The following NUBP1 variants were observed in gnomAD, a reference collection of about 807,000 sequenced individuals.
NUBP1 encodes the protein cytosolic Fe-S cluster assembly factor NUBP1.
A neutral mutation model predicts 41.8 loss-of-function variants in NUBP1; 46 were observed. That is an observed-to-expected ratio of 1.10 (90% CI 0.87 to 1.41). The LOEUF (loss-of-function observed/expected upper bound fraction) is 1.41, where lower values mean the gene tolerates loss of function less well. Ranked by LOEUF, NUBP1 falls within the 40% of genes most tolerant of loss-of-function variation. The pLI, the probability that NUBP1 is intolerant of heterozygous loss-of-function variation, is 0.00. For synonymous variants in NUBP1, 189 were observed against 154.6 expected (o/e 1.22, Z -1.65); for missense variants, 494 against 414.0 (o/e 1.19, Z -1.68).
chr16:10,758,901 G>A (rs532211415), intron 7 of NUBP1, among the ~76,000 whole-genome samples: 1 of 152,332 alleles, frequency 6.6e-6, no homozygotes, highest in Admixed American at 6.5e-5. Flanking sequence ...TGAGAGGAGA[G>A]CGATAGGAAG....
rs2030944359 is a variant in NUBP1, at chr16:10,766,767, A to C, written c.821-1182A>C. The C allele has an allele frequency of 2.5e-6, 1 of 396,516 alleles. No homozygotes were observed. Among genetic ancestry groups the C allele is most frequent in the South Asian group, 1.4e-4 (1 of 7,010 alleles). 24.6% of individuals were successfully genotyped at this position (396,516 alleles called of 1,614,324 possible). ...CTGAGAATAGGGGCTCAAAGGCCCC[A>C]TTACAGAGTTTTTGTGTTTAAATAC... On this transcript the variant is annotated intron_variant, in intron 9 of 10. Transcript: ENST00000283027. This position sits in a 1 kb window ranked among gnomAD's most constrained non-coding sequence, Gnocchi z 4.8.
intron 7 of NUBP1, 102 bp downstream of exon 7, chr16:10,758,129 C>T (rs1900693409): frequency 7.3e-7 from 1 of 1,361,710 alleles, no homozygotes; most frequent in African/African-American, 1.4e-5. Context: ...AGGCTCTTCC[C>T]AGTGTGTGTT....
intron 3 of NUBP1, among the ~76,000 whole-genome samples, chr16:10,751,832 G>C (rs1259437547): frequency 4.6e-5 from 7 of 152,204 alleles, no homozygotes; most frequent in African/African-American, 1.4e-4. Context: ...GGTTCAGCTA[G>C]AGGCTCCACT....
intron 2 of NUBP1, among the ~76,000 whole-genome samples, chr16:10,744,580 G>A (rs1394909398): frequency 1.3e-5 from 2 of 152,142 alleles, no homozygotes; most frequent in African/African-American, 4.8e-5. Flanking sequence ...GGGATCAGGC[G>A]TGGTCACTGC....
chr16:10,761,093 C>G (rs1273796540), intron 7 of NUBP1: 2 of 325,150 alleles, frequency 6.2e-6, no homozygotes, highest in African/African-American at 4.3e-5. Context: ...CTCGTGAAAA[C>G]TCACTATCGA....
At chr16:10,761,233 C>T in intron 7 of NUBP1, 131 bp from the exon 8 acceptor site, 1 of 749,064 alleles carries the variant, frequency 1.3e-6, no homozygotes, top group Non-Finnish European at 2.2e-6. Flanking sequence ...CAGAGCCAAA[C>T]CCTATCAGGG....
At position 10,754,784 on chromosome 16, in the gene NUBP1, C is replaced by T. The variant is rs553983058; in HGVS notation, c.328-937C>T. ...TGGTGACTGGGTACAGTGGCTCACA[C>T]CTGCAATCCCAACACTTTGGGAGGC... is the stretch of plus-strand genomic sequence containing the variant. On this transcript the variant is annotated intron_variant, in intron 4 of 10. Coordinates refer to ENST00000283027, the MANE Select transcript of NUBP1 (RefSeq NM_002484.4). Among the ~76,000 whole-genome samples the T allele has an allele frequency of 1.1e-4, 17 of 152,112 alleles. No homozygotes were observed. The East Asian group carries it at 2.9e-3, about 26-fold the overall frequency.
At position 10,761,807 on chromosome 16, in the gene NUBP1, C is replaced by T. The variant is rs2029945827; in HGVS notation, c.768C>T (p.Cys256=). Residue 256 remains cysteine (C), a synonymous_variant, in exon 9 of 11, where the codon TGC becomes TGT. Coordinates refer to ENST00000283027, the MANE Select transcript of NUBP1 (RefSeq NM_002484.4). ...PPTTGGAELM[C]QDLEVPLLGR... The stretch of plus-strand genomic sequence containing the variant: ...CAACCGGGGGCGCGGAGCTCATGTG[C>T]CAGGACTTGGAGGTCCCTCTCCTCG... 1.2e-6 allele frequency: 2 copies of T among 1,614,006 alleles called. No individual in the cohort carries two copies. The highest frequency in any genetic ancestry group is 1.7e-6 in the Non-Finnish European group (2 of 1,179,994).
Position 10,747,244 on chromosome 16 carries a change from G to C in NUBP1, c.226G>C (p.Ala76Pro). Residue 76 changes from alanine to proline, a missense_variant, in exon 3 of 11, where the codon GCC becomes CCC. Coordinates refer to ENST00000283027, the MANE Select transcript of NUBP1 (RefSeq NM_002484.4). ...GAAAAGCACATTCAGCGCCCACCTT[G>C]CCCATGGCCTAGCAGAGGATGAAAA... ...VGKSTFSAHL[A>P]HGLAEDENTQ... The C allele has an allele frequency of 6.2e-7, 1 of 1,614,176 alleles. No individual in the cohort carries two copies. Among genetic ancestry groups the C allele is most frequent in the East Asian group, 2.2e-5 (1 of 44,884 alleles).
intron 9 of NUBP1, chr16:10,762,223 C>T (rs2030033259): frequency 5.5e-6 from 1 of 182,914 alleles, no homozygotes; most frequent in Non-Finnish European, 1.1e-5. Flanking sequence ...GGTGAAAATC[C>T]CTTAGGAAGG....
chr16:10,754,088 A>T (rs1026948870), intron 4 of NUBP1, among the ~76,000 whole-genome samples: 5 of 152,204 alleles, frequency 3.3e-5, no homozygotes, highest in Admixed American at 3.3e-4. Flanking sequence ...AGAAAATTTT[A>T]AAATAAAAGA....
intron 3 of NUBP1, among the ~76,000 whole-genome samples, chr16:10,751,104 G>A (rs927137913): frequency 1.3e-5 from 2 of 152,132 alleles, no homozygotes; most frequent in Non-Finnish European, 2.9e-5. Flanking sequence ...GGCCTGCCAC[G>A]GGAGTGAGAG....
intron 1 of NUBP1, 22 bp from the exon 2 acceptor site, chr16:10,743,939 C>A: frequency 6.3e-7 from 1 of 1,591,084 alleles, no homozygotes; most frequent in Non-Finnish European, 8.5e-7. Flanking sequence ...GCTGCTCTAA[C>A]TGTGGTCTTG....
Position 10,768,811 on chromosome 16 carries a change from A to C in NUBP1, c.905-236A>C. ...AGGGTAAGGAAACAGCATTCCCAGAATCCTCCATCTATAGATGGTCCGAGG... is the reference window on the plus strand; with the variant it reads ...AGGGTAAGGAAACAGCATTCCCAGACTCCTCCATCTATAGATGGTCCGAGG... On this transcript the variant is annotated intron_variant, in intron 10 of 10. Transcript: ENST00000283027. The surrounding 1 kb of genome is among the most constrained non-coding windows in gnomAD (Gnocchi z 4.3). The C allele has an allele frequency of 4.6e-6, 2 of 434,380 alleles. No individual in the cohort carries two copies. Among genetic ancestry groups the C allele is most frequent in the Non-Finnish European group, 8.1e-6 (2 of 245,478 alleles). 26.9% of individuals were successfully genotyped at this position (434,380 alleles called of 1,614,324 possible). A position where few individuals can be genotyped will look rare whatever the true frequency, so the allele number is the denominator to read the frequency against.
In NUBP1 at chr16:10,759,443, G is replaced by A. The variant is rs1343661710; in HGVS notation, c.606+1416G>A. Among the ~76,000 whole-genome samples the A allele has an allele frequency of 3.9e-5, 6 of 152,220 alleles. No homozygotes were observed. Among genetic ancestry groups the A allele is most frequent in the Admixed American group, 2.6e-4 (4 of 15,284 alleles). On this transcript the variant is annotated intron_variant, in intron 7 of 10. Transcript: ENST00000283027. This position sits in a 1 kb window ranked among gnomAD's most constrained non-coding sequence, Gnocchi z 4.7. ...CGGGTGATGGCAGTGGAGAGAAAGT[G>A]TATTTGTCCTTAGGAATGTTTTCTG...
chr16:10,752,889 G>C (rs1022451611), intron 4 of NUBP1, among the ~76,000 whole-genome samples: 1 of 152,204 alleles, frequency 6.6e-6, no homozygotes, highest in African/African-American at 2.4e-5. Context: ...TCCACCTCCT[G>C]GGTTCAAGCG....
Position 10,769,099 on chromosome 16 carries a change from T to C in NUBP1, c.957T>C (p.Ser319=). The C allele has an allele frequency of 6.2e-7, 1 of 1,614,004 alleles. No individual in the cohort carries two copies. The highest frequency in any genetic ancestry group is 8.5e-7 in the Non-Finnish European group (1 of 1,179,952). ...AGTCAAAAGAAGAGAACCTCATCAG[T>C]TCCTGAAACGAGAGAATGTTCAGGA... The part of the protein sequence containing the change: ...LHQSKEENLI[S]S The change falls in exon 11 of 11, where the codon AGT becomes AGC. Residue 319 remains serine, a synonymous_variant. Coordinates refer to ENST00000283027, the MANE Select transcript of NUBP1 (RefSeq NM_002484.4).
intron 3 of NUBP1, 44 bp downstream of exon 3, chr16:10,747,320 G>A (rs1461280858): frequency 6.2e-7 from 1 of 1,603,378 alleles, no homozygotes; most frequent in South Asian, 1.1e-5. Flanking sequence ...TTTGTCTGAG[G>A]GTCGTGATGG....
Position 10,767,337 on chromosome 16 carries a change from C to T in NUBP1, c.821-612C>T, listed in dbSNP as rs925867832. ...TAGGAGGGGACTGGAACAATGGCCACATGGCGGGGAAAGACTAGCAGACTG... is the reference window on the plus strand; with the variant it reads ...TAGGAGGGGACTGGAACAATGGCCATATGGCGGGGAAAGACTAGCAGACTG... On this transcript the variant is annotated intron_variant, in intron 9 of 10. Transcript: ENST00000283027. The surrounding 1 kb of genome is among the most constrained non-coding windows in gnomAD (Gnocchi z 4.6). 9.8e-5 allele frequency: 39 copies of T among 399,428 alleles called. No homozygotes were observed. Among genetic ancestry groups the T allele is most frequent in the Non-Finnish European group, 1.5e-4 (35 of 226,794 alleles). 24.7% of individuals were successfully genotyped at this position (399,428 alleles called of 1,614,324 possible). A position where few individuals can be genotyped will look rare whatever the true frequency, so the allele number is the denominator to read the frequency against.
Sources: allele counts gnomAD v4.1 joint callset (sites outside exome capture counted in the v4.1 genomes callset), GRCh38; gene constraint gnomAD v4.1.1; non-coding constraint Gnocchi (gnomAD v3.1); transcripts MANE v1.5; gene names NCBI Gene and HGNC (gene_info 2026-07-23, HGNC 2026-07-21).